Variants in ACY1 observed in about 807,000 individuals in gnomAD.
ACY1 encodes the protein aminoacylase 1.
In ACY1, 38 loss-of-function variants were observed where a neutral mutation model predicts 53.3. The ratio of observed to expected loss-of-function variants is 0.71; its 90% confidence interval spans 0.55 to 0.93. ACY1 has a LOEUF of 0.93. Ranked by LOEUF, ACY1 falls within the 40% of genes least tolerant of loss-of-function variation. The pLI, the probability that ACY1 is intolerant of heterozygous loss-of-function variation, is 0.00. For synonymous variants in ACY1, 177 were observed against 202.1 expected, an observed-to-expected ratio of 0.88 and a Z score of 1.05; for missense variants, 484 against 540.9, an observed-to-expected ratio of 0.89 and a Z score of 1.04.
chr3:51,986,634 G>A lies in ACY1; in HGVS notation c.556G>A (p.Val186Ile). 1 of 1,614,146 alleles carries A rather than the reference G, an allele frequency of 6.2e-7. No individual in the cohort carries two copies. The change falls in exon 8 of 15, where the codon GTC becomes ATC. Residue 186 changes from valine to isoleucine, a missense_variant. Physicochemically the swap from Val to Ile is conservative, Grantham distance 29. Transcript: ENST00000636358. ...AGCCAATCCCACTGATGCCTTCACT[G>A]TCTTTTATAGTGAGCGGAGTCCCTG... ...GIANPTDAFT[V>I]FYSERSPWWV...
rs1320191389 is a variant in ACY1 at position 51,986,625 on chromosome 3, G to T, written c.547G>T (p.Ala183Ser). The change falls in exon 8 of 15, where the codon GCC (alanine) becomes TCC (serine). Residue 183 changes from alanine (A) to serine (S), a missense_variant. Transcript: ENST00000636358. ...LDEGIANPTD[A>S]FTVFYSERSP... ...CTCAGGCATAGCCAATCCCACTGAT[G>T]CCTTCACTGTCTTTTATAGTGAGCG... 1.9e-6 allele frequency: 3 copies of T among 1,614,044 alleles called. No homozygotes were observed. Among genetic ancestry groups the T allele is most frequent in the African/African-American group, 1.3e-5 (1 of 74,942 alleles).
At chr3:51,984,466 G>T (rs1369578110) in intron 2 of ACY1, 1 of 468,666 alleles carries the variant, frequency 2.1e-6, no homozygotes, top group Non-Finnish European at 3.9e-6. Context: ...GGAAAGGAGA[G>T]GCCCTCCAGA....
chr3:51,985,657 C>T (rs1701029952), intron 4 of ACY1, among the ~76,000 whole-genome samples, 192 bp downstream of exon 4: 1 of 149,150 alleles, frequency 6.7e-6, no homozygotes, highest in African/African-American at 2.5e-5. Context: ...GGGGTGGGGA[C>T]TGGGGGGTGG....
chr3:51,985,301 A>G, intron 3 of ACY1, 30 bp downstream of exon 3: 1 of 1,613,470 alleles, frequency 6.2e-7, no homozygotes, highest in Non-Finnish European at 8.5e-7. Flanking sequence ...CGGGGAAGGG[A>G]GGTGGGCCTG....
chr3:51,986,195 C>T, intron 5 of ACY1, 60 bp from the exon 6 acceptor site: 1 of 1,567,332 alleles, frequency 6.4e-7, no homozygotes, highest in Non-Finnish European at 8.8e-7. Context: ...GCTGGCCCTG[C>T]CTGTGGGGCC....
Position 51,986,461 on chromosome 3 carries a change from G to A in ACY1, c.483G>A (p.Arg161=). 2 of 1,613,758 alleles carry A rather than the reference G, an allele frequency of 1.2e-6. No individual in the cohort carries two copies. The highest frequency in any genetic ancestry group is 2.2e-5 in the South Asian group (2 of 91,052). ...AAGGCATGGAGCTGTTCGTGCAGCG[G>A]CCTGAGTTCCACGCCCTGAGGGCAG... ...GHQGMELFVQ[R]PEFHALRAGF... is the part of the protein sequence containing the mutation. Residue 161 remains arginine, a synonymous_variant, in exon 7 of 15, where the codon CGG becomes CGA. Transcript: ENST00000636358.
intron 5 of ACY1, 40 bp downstream of exon 5, chr3:51,985,986 C>G (rs760666591): frequency 2.5e-6 from 4 of 1,568,724 alleles, no homozygotes; most frequent in Non-Finnish European, 1.7e-6. Context: ...AATGTCCCCA[C>G]TGGTCCAGTG....
chr3:51,988,405 G>A, intron 12 of ACY1, 119 bp from the exon 13 acceptor site: 2 of 880,232 alleles, frequency 2.3e-6, no homozygotes, highest in South Asian at 2.8e-5. Context: ...CCAGATGTCT[G>A]GGTAGGTGAA....
At chr3:51,986,019 G>C in intron 5 of ACY1, 73 bp downstream of exon 5, 1 of 1,445,212 alleles carries the variant, frequency 6.9e-7, no homozygotes, top group Non-Finnish European at 9.6e-7. Flanking sequence ...ACCTGAGGGG[G>C]TGATTGGAGA....
intron 13 of ACY1, 61 bp downstream of exon 13, chr3:51,988,664 C>T: frequency 3.4e-6 from 5 of 1,490,290 alleles, no homozygotes; most frequent in Non-Finnish European, 4.7e-6. Flanking sequence ...TTCCTGCTGC[C>T]CCCTCCCTTC....
In ACY1 at chr3:51,986,399, C is replaced by A. The variant is rs750863971; in HGVS notation, c.437-16C>A. 1.2e-6 allele frequency: 2 copies of A among 1,609,152 alleles called. No individual in the cohort carries two copies. Among genetic ancestry groups the A allele is most frequent in the Non-Finnish European group, 1.7e-6 (2 of 1,177,548 alleles). On this transcript the variant is annotated splice_polypyrimidine_tract_variant and intron_variant, in intron 6 of 14. Transcript: ENST00000636358. ...CGGGGCAGCCTCCTCATCTCACGTC[C>A]CTGCTGCTTTTACAGATGAGGAGGT...
Position 51,986,495 on chromosome 3 carries a change from C to T in ACY1, c.517C>T (p.Leu173=), listed in dbSNP as rs1274020979. ...EFHALRAGFA[L]DEGIANPTDA... is the part of the protein sequence containing the mutation. ...CCACGCCCTGAGGGCAGGCTTTGCC[C>T]TGGATGAGGGTGAGCAGGTTGGCAA... Residue 173 remains leucine (L), a synonymous_variant, in exon 7 of 15, where the codon CTG becomes TTG. Transcript: ENST00000636358. The T allele has an allele frequency of 6.2e-7, 1 of 1,614,120 alleles. No individual in the cohort carries two copies. Among genetic ancestry groups the T allele is most frequent in the Admixed American group, 1.7e-5 (1 of 60,024 alleles).
At position 51,989,078 on chromosome 3, in the gene ACY1, C is replaced by T. The variant is rs772837562; in HGVS notation, c.*3C>T. On this transcript the variant is annotated 3_prime_UTR_variant, in exon 15 of 15. Coordinates refer to ENST00000636358, the MANE Select transcript of ACY1 (RefSeq NM_000666.3). ...CTGCCCTGCCCAGTGACAGCTGAGC[C>T]CTGGAACTCCTAAACCTTTGCCCCT... The T allele has an allele frequency of 2.5e-6, 4 of 1,613,262 alleles. No individual in the cohort carries two copies. The highest frequency in any genetic ancestry group is 3.4e-6 in the Non-Finnish European group (4 of 1,180,036).
chr3:51,983,726 G>A (rs886996111), intron 1 of ACY1, 137 bp downstream of exon 1: 12 of 397,668 alleles, frequency 3.0e-5, no homozygotes, highest in Non-Finnish European at 5.1e-5. Context: ...GGCGGGGGGA[G>A]TACAAGTCTG....
At chr3:51,985,114 C>G in intron 2 of ACY1, 93 bp from the exon 3 acceptor site, 1 of 1,275,654 alleles carries the variant, frequency 7.8e-7, no homozygotes, top group Non-Finnish European at 1.1e-6. Context: ...AGGCAGCAGC[C>G]CATTTCTGGG....
At position 51,987,347 on chromosome 3, in the gene ACY1, C is replaced by T. The variant is rs772696677; in HGVS notation, c.746C>T (p.Thr249Ile). Reference sequence around the variant, plus strand: ...CCCCACCTGAAAGAGGGGTCCGTGACCTCCGTGAACCTGACTAAGCTAGAG... The same window carrying T: ...CCCCACCTGAAAGAGGGGTCCGTGATCTCCGTGAACCTGACTAAGCTAGAG... ...SNPHLKEGSV[T>I]SVNLTKLEGG... Residue 249 changes from threonine (T) to isoleucine (I), a missense_variant, in exon 11 of 15, where the codon ACC becomes ATC. Coordinates refer to ENST00000636358, the MANE Select transcript of ACY1 (RefSeq NM_000666.3). 2 of 1,614,136 alleles carry T rather than the reference C, an allele frequency of 1.2e-6. No homozygotes were observed. The highest frequency in any genetic ancestry group is 1.3e-5 in the African/African-American group (1 of 75,060).
intron 2 of ACY1, chr3:51,984,840 G>GAA (rs1221979628): frequency 1.2e-3 from 263 of 211,126 alleles, no homozygotes; most frequent in South Asian, 3.2e-3. Context: ...AAAAGGAAAA[G>GAA]AAAAAAAAAA....
intron 8 of ACY1, 145 bp downstream of exon 8, chr3:51,986,806 C>T (rs763442548): frequency 1.2e-5 from 15 of 1,266,268 alleles, no homozygotes; most frequent in Admixed American, 1.9e-5. Context: ...TCTTTCCTAT[C>T]TGAGCTTCTC....
Position 51,987,299 on chromosome 3 carries a change from C to G in ACY1, c.708-10C>G. On this transcript the variant is annotated splice_polypyrimidine_tract_variant and intron_variant, in intron 10 of 14. Coordinates refer to ENST00000636358, the MANE Select transcript of ACY1 (RefSeq NM_000666.3). ...TCTGTTGCTGCCGCTACCCTGCCCC[C>G]ACACCACAGGCTGCAGTCAAACCCC... 2 of 1,614,144 alleles carry G rather than the reference C, an allele frequency of 1.2e-6. No homozygotes were observed. The highest frequency in any genetic ancestry group is 1.7e-6 in the Non-Finnish European group (2 of 1,180,046).
Sources: allele counts gnomAD v4.1 joint callset (sites outside exome capture counted in the v4.1 genomes callset), GRCh38; gene constraint gnomAD v4.1.1; transcripts MANE v1.5; gene names NCBI Gene and HGNC (gene_info 2026-07-23, HGNC 2026-07-21).